Variants in IGF1R observed in about 807,000 individuals in gnomAD.
The protein encoded by IGF1R is insulin-like growth factor 1 receptor.
Under a neutral mutation model 144.6 loss-of-function variants are expected in IGF1R, and 44 were observed. The ratio of observed to expected loss-of-function variants is 0.30; its 90% CI spans 0.24 to 0.39. The LOEUF (loss-of-function observed/expected upper bound fraction) is 0.39, where lower values mean the gene tolerates loss of function less well. Ranked by LOEUF, IGF1R falls within the 10% of genes least tolerant of loss-of-function variation. The pLI, the probability that IGF1R is intolerant of heterozygous loss-of-function variation, is 1.00. For synonymous variants in IGF1R, 795 were observed against 722.8 expected (o/e 1.10, Z -1.60); for missense variants, 1,355 against 1,833.7 (o/e 0.74, Z 4.77).
chr15:98,768,927 C>CA lies in IGF1R; in HGVS notation c.640+60825dup, dbSNP rs766811252. On this transcript the variant is annotated intron_variant, in intron 2 of 20. Transcript: ENST00000650285. ...TGGGTGACAGAGTGAGATTCCGTCT[C>CA]AAAAACAACAACAACAACAACAACA... 0.014 allele frequency among the ~76,000 whole-genome samples: 194 copies of CA among 14,140 alleles called. No individual in the cohort carries two copies. In the South Asian group the frequency reaches 0.18, roughly 13 times the overall value. 9.3% of individuals were successfully genotyped at this position (14,140 alleles called of 152,430 possible). A position where few individuals can be genotyped will look rare whatever the true frequency, so the allele number is the denominator to read the frequency against.
chr15:98,649,507 C>T lies in IGF1R; in HGVS notation c.-75C>T, dbSNP rs1353542070. 14 of 1,037,438 alleles carry T rather than the reference C, an allele frequency of 1.3e-5. No individual in the cohort carries two copies. In the East Asian group the frequency reaches 2.3e-4, roughly 17 times the overall value. 64.3% of individuals were successfully genotyped at this position (1,037,438 alleles called of 1,614,324 possible). ...TTTGAGACTTGTTTCCTTTCATTTC[C>T]TTTTTTTCTTTTCTTTTCTTTTTTT... On this transcript the variant is annotated 5_prime_UTR_variant, in exon 1 of 21. Transcript: ENST00000650285.
intron 2 of IGF1R, among the ~76,000 whole-genome samples, chr15:98,744,178 C>A (rs771594656): frequency 6.6e-6 from 1 of 151,864 alleles, no homozygotes; most frequent in Non-Finnish European, 1.5e-5. Context: ...CTTAAAGGGA[C>A]GTCAGCGTTC....
At chr15:98,791,499 CTG>C (rs1264479956) in intron 2 of IGF1R, among the ~76,000 whole-genome samples, 1 of 152,026 alleles carries the variant, frequency 6.6e-6, no homozygotes, top group African/African-American at 2.4e-5. Flanking sequence ...GACTTGTGGA[CTG>C]TGTCAGAGGA....
At chr15:98,819,538 C>T (rs2056764171) in intron 2 of IGF1R, among the ~76,000 whole-genome samples, 1 of 152,056 alleles carries the variant, frequency 6.6e-6, no homozygotes, top group Admixed American at 6.6e-5. Flanking sequence ...TCTGCCAGTG[C>T]CTTGATCTTG....
At chr15:98,888,177 G>A (rs1382264902) in intron 2 of IGF1R, among the ~76,000 whole-genome samples, 2 of 152,190 alleles carry the variant, frequency 1.3e-5, no homozygotes, top group Admixed American at 1.3e-4. Context: ...TTGCTGTGTC[G>A]TCCGTTCCCT....
chr15:98,953,703 A>G (rs2016868185), intron 20 of IGF1R, among the ~76,000 whole-genome samples: 1 of 152,200 alleles, frequency 6.6e-6, no homozygotes, highest in Admixed American at 6.5e-5. Context: ...TCTTTGGTCT[A>G]CAGGATTCAG....
chr15:98,871,061 T>C (rs1012903248), intron 2 of IGF1R, among the ~76,000 whole-genome samples: 2 of 152,206 alleles, frequency 1.3e-5, no homozygotes, highest in African/African-American at 2.4e-5. Flanking sequence ...AAGCCAGTGC[T>C]CTTTTCAATC....
intron 1 of IGF1R, among the ~76,000 whole-genome samples, chr15:98,660,900 T>C (rs958388624): frequency 6.6e-6 from 1 of 152,150 alleles, no homozygotes; most frequent in African/African-American, 2.4e-5. Context: ...GGAGGAAGCA[T>C]CTGCAGGCTG....
At chr15:98,826,517 A>G (rs1041850141) in intron 2 of IGF1R, among the ~76,000 whole-genome samples, 1 of 152,388 alleles carries the variant, frequency 6.6e-6, no homozygotes, top group South Asian at 2.1e-4. Context: ...TAGAATGACT[A>G]AAGCTTAAGT....
chr15:98,688,894 G>T (rs961010836), intron 1 of IGF1R, among the ~76,000 whole-genome samples: 9 of 152,034 alleles, frequency 5.9e-5, no homozygotes, highest in African/African-American at 1.9e-4. Context: ...CTCTTTTTAC[G>T]CAGTACGCTT....
chr15:98,848,432 A>G (rs1212663016), intron 2 of IGF1R, among the ~76,000 whole-genome samples: 6 of 152,210 alleles, frequency 3.9e-5, no homozygotes, highest in Non-Finnish European at 8.8e-5. Flanking sequence ...AGCCCAGCCA[A>G]GATAGTGCCA....
At chr15:98,929,361 T>C (rs867628695) in intron 13 of IGF1R, among the ~76,000 whole-genome samples, 197 bp from the exon 14 acceptor site, 2 of 152,210 alleles carry the variant, frequency 1.3e-5, no homozygotes, top group African/African-American at 2.4e-5. Context: ...TCTGCACATA[T>C]TTACTCTTTT....
chr15:98,747,813 T>C (rs1238995930), intron 2 of IGF1R, among the ~76,000 whole-genome samples: 1 of 152,228 alleles, frequency 6.6e-6, no homozygotes, highest in Non-Finnish European at 1.5e-5. Context: ...GGTTTGAATG[T>C]ATTATAATGT....
At chr15:98,808,107 C>T (rs577584767) in intron 2 of IGF1R, among the ~76,000 whole-genome samples, 11 of 152,254 alleles carry the variant, frequency 7.2e-5, no homozygotes, top group Non-Finnish European at 1.3e-4. Context: ...CGTGGGATAG[C>T]CTGGCATGGG....
At chr15:98,764,533 A>G (rs1243257580) in intron 2 of IGF1R, among the ~76,000 whole-genome samples, 1 of 152,256 alleles carries the variant, frequency 6.6e-6, no homozygotes, top group Non-Finnish European at 1.5e-5. Flanking sequence ...AGTTCATTAC[A>G]AATAGAGGCT....
chr15:98,649,046 A>G lies in IGF1R; in HGVS notation c.-536A>G, dbSNP rs1596136790. Reference sequence around the variant, plus strand: ...GAGCGGAGCCAGGAGGAGGAGGAGGAGGGGGAGCCGCTCATTCATTTTGAC... The same window carrying G: ...GAGCGGAGCCAGGAGGAGGAGGAGGGGGGGGAGCCGCTCATTCATTTTGAC... On this transcript the variant is annotated 5_prime_UTR_variant, in exon 1 of 21. Transcript: ENST00000650285. 2 of 219,508 alleles carry G rather than the reference A, an allele frequency of 9.1e-6. No individual in the cohort carries two copies. The highest frequency in any genetic ancestry group is 1.8e-5 in the Non-Finnish European group (2 of 111,188). The allele number at this position is 219,508 out of a possible 1,614,324, so 13.6% of individuals were successfully genotyped here. A position where few individuals can be genotyped will look rare whatever the true frequency, so the allele number is the denominator to read the frequency against.
At position 98,961,203 on chromosome 15, in the gene IGF1R, A is replaced by G. The variant is rs2017211649; in HGVS notation, c.*3761A>G. 1 of 233,558 alleles carries G rather than the reference A, an allele frequency of 4.3e-6. No individual in the cohort carries two copies. Among genetic ancestry groups the G allele is most frequent in the Non-Finnish European group, 8.5e-6 (1 of 118,024 alleles). The allele number at this position is 233,558 out of a possible 1,614,324, so 14.5% of individuals were successfully genotyped here. A position where few individuals can be genotyped will look rare whatever the true frequency, so the allele number is the denominator to read the frequency against. ...TTCCACACTGTAGGTGACCCCTTGG[A>G]ATAACGGCCTCTCCTCTCGTGCACA... On this transcript the variant is annotated 3_prime_UTR_variant, in exon 21 of 21. Transcript: ENST00000650285.
At chr15:98,662,244 G>A (rs2052618559) in intron 1 of IGF1R, among the ~76,000 whole-genome samples, 1 of 152,004 alleles carries the variant, frequency 6.6e-6, no homozygotes, top group African/African-American at 2.4e-5. Context: ...GCCTCCCATA[G>A]TGCTGGGATT....
At chr15:98,845,570 TTCTCTTCTCTCTCTTCTTTC>T (rs1417772317) in intron 2 of IGF1R, among the ~76,000 whole-genome samples, 5 of 146,832 alleles carry the variant, frequency 3.4e-5, no homozygotes, top group East Asian at 2.1e-4. Flanking sequence ...CTTCTCTCGT[TTCTCTTCTCTCTCTTCTTTC>T]TCTCTTCTCT....
Sources: gnomAD v4.1 joint callset for allele counts (sites outside exome capture counted in the v4.1 genomes callset) on GRCh38, gnomAD v4.1.1 for gene constraint, MANE v1.5 for transcripts, NCBI Gene and HGNC (gene_info 2026-07-23, HGNC 2026-07-21) for gene names.